The following POLI variants were observed in gnomAD, a reference collection of about 807,000 sequenced individuals.
POLI encodes the protein RAD30 homolog B.
POLI carries 58 observed loss-of-function variants against 51.6 expected under a neutral mutation model. That is an observed-to-expected ratio of 1.12 (90% CI 0.91 to 1.40). POLI has a LOEUF of 1.40. Ranked by LOEUF, POLI falls within the 40% of genes most tolerant of loss-of-function variation. POLI has a pLI of 0.00. For synonymous variants in POLI, 322 were observed against 299.7 expected (o/e 1.07, Z -0.77); for missense variants, 921 against 871.3 (o/e 1.06, Z -0.72).
intron 3 of POLI, among the ~76,000 whole-genome samples, chr18:54,303,238 C>A (rs759549122): frequency 9.9e-5 from 15 of 152,124 alleles, no homozygotes; most frequent in Admixed American, 6.6e-5. Flanking sequence ...GCCCTAAGTA[C>A]CTAATTAGCT....
chr18:54,310,076 G>A (rs114832687), intron 3 of POLI, among the ~76,000 whole-genome samples: 26,253 of 152,132 alleles, frequency 0.17, 2,548 homozygotes, highest in Middle Eastern at 0.25. Flanking sequence ...GTTTCGGCTT[G>A]GCATCCGTGG....
intron 4 of POLI, 128 bp from the exon 5 acceptor site, chr18:54,280,536 GTGA>G: frequency 1.6e-6 from 1 of 637,464 alleles, no homozygotes. Context: ...ACCATACCAG[GTGA>G]TGATGGTGGT....
chr18:54,318,137 A>G (rs2088757151), intron 3 of POLI, among the ~76,000 whole-genome samples: 2 of 152,170 alleles, frequency 1.3e-5, no homozygotes, highest in Admixed American at 1.3e-4. Context: ...ACAAATTTTA[A>G]AATGTTGACT....
At chr18:54,309,160 G>T (rs889603796) in intron 3 of POLI, among the ~76,000 whole-genome samples, 1 of 152,128 alleles carries the variant, frequency 6.6e-6, no homozygotes, top group Non-Finnish European at 1.5e-5. Flanking sequence ...GAGGAGAAAG[G>T]GTGCTCTGGA....
intron 9 of POLI, 39 bp downstream of exon 9, chr18:54,292,077 T>A (rs1368157115): frequency 8.2e-7 from 1 of 1,214,874 alleles, no homozygotes; most frequent in Admixed American, 1.9e-5. Context: ...CTAAGTATAC[T>A]CTTATGGGAT....
chr18:54,288,992 T>G (rs939591094), intron 8 of POLI, among the ~76,000 whole-genome samples: 1 of 152,182 alleles, frequency 6.6e-6, no homozygotes, highest in African/African-American at 2.4e-5. Flanking sequence ...GTATCACACT[T>G]TCCTGTTTCT....
At chr18:54,272,032 A>G (rs1011047729) in intron 2 of POLI, 1 of 152,224 alleles carries the variant, frequency 6.6e-6, no homozygotes, top group South Asian at 2.1e-4. Context: ...AGCTTGTTTT[A>G]TCATTTTTAT....
chr18:54,282,137 T>C (rs1278418650), intron 5 of POLI, among the ~76,000 whole-genome samples: 1 of 152,180 alleles, frequency 6.6e-6, no homozygotes, highest in Non-Finnish European at 1.5e-5. Flanking sequence ...TCAGTTAGGT[T>C]ACCTAATATG....
chr18:54,280,748 A>G lies in POLI; in HGVS notation c.641A>G (p.Asn214Ser). 1 of 1,613,856 alleles carries G rather than the reference A, an allele frequency of 6.2e-7. No individual in the cohort carries two copies. Among genetic ancestry groups the G allele is most frequent in the Non-Finnish European group, 8.5e-7 (1 of 1,179,768 alleles). Residue 214 changes from asparagine (N) to serine (S), a missense_variant, in exon 5 of 10, where the codon AAT (asparagine) becomes AGT (serine). Coordinates refer to ENST00000579534, the MANE Select transcript of POLI (RefSeq NM_007195.3). ...IAAEMREAMY[N>S]QLGLTGCAGV... The stretch of plus-strand genomic sequence containing the variant: ...GCAGAGATGCGGGAAGCCATGTATA[A>G]TCAGTTGGGGCTCACTGGCTGTGCT...
At chr18:54,271,967 A>G (rs1439376373) in intron 2 of POLI, among the ~76,000 whole-genome samples, 1 of 152,240 alleles carries the variant, frequency 6.6e-6, no homozygotes, top group Non-Finnish European at 1.5e-5. Context: ...AAACATAAGC[A>G]TCTTTTTAAA....
chr18:54,269,570 G>A lies in POLI; in HGVS notation c.24G>A (p.Pro8=), dbSNP rs2086901662. The A allele has an allele frequency of 2.1e-6, 3 of 1,460,342 alleles. No homozygotes were observed. The highest frequency in any genetic ancestry group is 2.6e-5 in the Admixed American group (1 of 37,826). 90.5% of individuals were successfully genotyped at this position (1,460,342 alleles called of 1,614,324 possible). ...GGATGGAGAAGCTGGGGGTGGAGCCGGAGGAGGAAGGCGGCGGCGACGACG... is the reference window on the plus strand; with the variant it reads ...GGATGGAGAAGCTGGGGGTGGAGCCAGAGGAGGAAGGCGGCGGCGACGACG... The part of the protein sequence containing the change: MEKLGVE[P]EEEGGGDDDE... The change falls in exon 1 of 10, where the codon CCG becomes CCA. Residue 8 remains proline (P), a synonymous_variant. Coordinates refer to ENST00000579534, the MANE Select transcript of POLI (RefSeq NM_007195.3).
chr18:54,313,157 T>C (rs2088690857), intron 3 of POLI, among the ~76,000 whole-genome samples: 1 of 152,184 alleles, frequency 6.6e-6, no homozygotes, highest in Non-Finnish European at 1.5e-5. Flanking sequence ...AGTTGCATTC[T>C]TCTGCATATG....
chr18:54,272,937 T>C lies in POLI; in HGVS notation c.242-989T>C, dbSNP rs1349889446. Among the ~76,000 whole-genome samples the C allele has an allele frequency of 2.0e-5, 3 of 152,264 alleles. No homozygotes were observed. The South Asian group carries it at 6.2e-4, about 32-fold the overall frequency. On this transcript the variant is annotated intron_variant, in intron 2 of 9. Transcript: ENST00000579534. The stretch of plus-strand genomic sequence containing the variant: ...TTATATTTTTGGGCATTACCTGATA[T>C]ATGAAAAAACTTTATATAAAAATAA...
chr18:54,294,894 A>T lies in POLI; in HGVS notation c.*427A>T, dbSNP rs925787127. 9.2e-6 allele frequency: 9 copies of T among 982,704 alleles called. No homozygotes were observed. The African/African-American group carries it at 1.6e-4, about 17-fold the overall frequency. The allele number at this position is 982,704 out of a possible 1,614,324, so 60.9% of individuals were successfully genotyped here. ...GGCTGAATAGCAAATCCTACTGCCAACTAACCTATTAAAAATATAGATAGT... is the reference window on the plus strand; with the variant it reads ...GGCTGAATAGCAAATCCTACTGCCATCTAACCTATTAAAAATATAGATAGT... On this transcript the variant is annotated 3_prime_UTR_variant, in exon 10 of 10. Coordinates refer to ENST00000579534, the MANE Select transcript of POLI (RefSeq NM_007195.3).
At chr18:54,309,666 G>T (rs1221080086) in intron 3 of POLI, among the ~76,000 whole-genome samples, 1 of 152,188 alleles carries the variant, frequency 6.6e-6, no homozygotes, top group Non-Finnish European at 1.5e-5. Flanking sequence ...CTTTAGTTCA[G>T]CTATGCCCTG....
chr18:54,302,548 G>A (rs577341300), downstream of POLI, among the ~76,000 whole-genome samples: 7 of 152,252 alleles, frequency 4.6e-5, no homozygotes, highest in East Asian at 1.4e-3. Flanking sequence ...ATACAGGCAT[G>A]CAATGCATAA....
intron 4 of POLI, among the ~76,000 whole-genome samples, chr18:54,279,480 T>A (rs1222157577): frequency 6.6e-6 from 1 of 152,152 alleles, no homozygotes; most frequent in African/African-American, 2.4e-5. Flanking sequence ...TAATCTCAGA[T>A]GATCCGCTTG....
chr18:54,275,507 A>G (rs1016078041), intron 3 of POLI, among the ~76,000 whole-genome samples: 1 of 152,214 alleles, frequency 6.6e-6, no homozygotes, highest in Non-Finnish European at 1.5e-5. Context: ...CATTGGTGCA[A>G]TACTATTTGA....
intron 3 of POLI, among the ~76,000 whole-genome samples, chr18:54,303,333 CT>C (rs1467805288): frequency 6.6e-6 from 1 of 152,156 alleles, no homozygotes; most frequent in Non-Finnish European, 1.5e-5. Context: ...AAACTCAATT[CT>C]TTTAAAAATC....
Sources: allele counts gnomAD v4.1 joint callset (sites outside exome capture counted in the v4.1 genomes callset), GRCh38; gene constraint gnomAD v4.1.1; transcripts MANE v1.5; gene names NCBI Gene and HGNC (gene_info 2026-07-23, HGNC 2026-07-21).